Variants in TTC7B observed in about 807,000 individuals in gnomAD.
TTC7B encodes tetratricopeptide repeat protein 7B.
Under a neutral mutation model 106.8 loss-of-function variants are expected in TTC7B, and 28 were observed. That is an observed-to-expected ratio of 0.26 (90% CI 0.19 to 0.36). The LOEUF (loss-of-function observed/expected upper bound fraction) is 0.36, where lower values mean the gene tolerates loss of function less well. TTC7B is among the 10% of genes least tolerant of loss of function. The pLI, the probability that TTC7B is intolerant of heterozygous loss-of-function variation, is 1.00. For synonymous variants in TTC7B, 405 were observed against 430.6 expected, an observed-to-expected ratio of 0.94 and a Z score of 0.74; for missense variants, 862 against 1,076.4, an observed-to-expected ratio of 0.80 and a Z score of 2.79.
At chr14:90,545,203 C>T (rs1889775737) in intron 19 of TTC7B, among the ~76,000 whole-genome samples, 1 of 152,132 alleles carries the variant, frequency 6.6e-6, no homozygotes, top group Admixed American at 6.5e-5. Flanking sequence ...TTGCCTCTGT[C>T]GCTTTAAGAG....
intron 1 of TTC7B, among the ~76,000 whole-genome samples, chr14:90,798,324 T>G (rs1006663811): frequency 6.6e-6 from 1 of 151,904 alleles, no homozygotes; most frequent in African/African-American, 2.4e-5. Context: ...TAATAAAAGG[T>G]GATTGCTTTA....
In TTC7B at chr14:90,786,208, T is replaced by C; in HGVS notation, c.242A>G (p.His81Arg). ...PKPQLTEVRK[H>R]LTAALDRGNL... ...CCCTCGGTCCAGGGCGGCGGTCAGATGCTTGCGGACCTCAGTCAGCTGGGG... is the reference window on the plus strand; with the variant it reads ...CCCTCGGTCCAGGGCGGCGGTCAGACGCTTGCGGACCTCAGTCAGCTGGGG... The change falls in exon 2 of 20, where the codon CAT (histidine) becomes CGT (arginine). Residue 81 changes from histidine to arginine, a missense_variant. Coordinates refer to ENST00000328459, the MANE Select transcript of TTC7B (RefSeq NM_001010854.2). 6.3e-7 allele frequency: 1 copy of C among 1,594,764 alleles called. No homozygotes were observed. The highest frequency in any genetic ancestry group is 1.1e-5 in the South Asian group (1 of 88,504).
rs1890394791 is a variant in TTC7B, at chr14:90,758,567, C to G, written c.446-13645G>C. Among the ~76,000 whole-genome samples, 5 of 152,210 alleles carry G rather than the reference C, an allele frequency of 3.3e-5. No homozygotes were observed. The South Asian group carries it at 1.0e-3, about 31-fold the overall frequency. On this transcript the variant is annotated intron_variant, in intron 3 of 19. Transcript: ENST00000328459. ...TGTGGCGCGCGACTGCGCTAGAACG[C>G]GGCTCCCGCGACCCCTGGCGGCGGC...
rs1223447977 is a variant in TTC7B, at chr14:90,807,898, G to C, written c.121+8277C>G. Among the ~76,000 whole-genome samples, 2 of 152,208 alleles carry C rather than the reference G, an allele frequency of 1.3e-5. No homozygotes were observed. The highest frequency in any genetic ancestry group is 2.9e-5 in the Non-Finnish European group (2 of 68,042). On this transcript the variant is annotated intron_variant, in intron 1 of 19. Transcript: ENST00000328459. The surrounding 1 kb of genome is among the most constrained non-coding windows in gnomAD (Gnocchi z 4.1). Reference sequence around the variant, plus strand: ...TAGACCTACTATATCAGTATCTCTGGGAGTGGGGCTTTGCAATCTGGATTC... The same window carrying C: ...TAGACCTACTATATCAGTATCTCTGCGAGTGGGGCTTTGCAATCTGGATTC...
chr14:90,600,655 G>C lies in TTC7B; in HGVS notation c.1967-7029C>G, dbSNP rs1892386812. On this transcript the variant is annotated intron_variant, in intron 17 of 19. Transcript: ENST00000328459. This position sits in a 1 kb window ranked among gnomAD's most constrained non-coding sequence, Gnocchi z 4.3. ...CAGGGAAGGACCCCAGTAAGGCAGG[G>C]AGGGCCGGGGACATGTCATCACCGG... 6.6e-6 allele frequency among the ~76,000 whole-genome samples: 1 copy of C among 152,204 alleles called. No individual in the cohort carries two copies. The highest frequency in any genetic ancestry group is 1.5e-5 in the Non-Finnish European group (1 of 68,032).
intron 3 of TTC7B, among the ~76,000 whole-genome samples, chr14:90,768,344 A>G (rs1364771916): frequency 6.6e-6 from 1 of 152,184 alleles, no homozygotes; most frequent in Admixed American, 6.5e-5. Flanking sequence ...CACCTTCTTT[A>G]CAAGGCAGTG....
intron 8 of TTC7B, among the ~76,000 whole-genome samples, chr14:90,679,487 G>A (rs1886965775): frequency 6.6e-6 from 1 of 152,266 alleles, no homozygotes; most frequent in South Asian, 2.1e-4. Context: ...TCTCTCCCCT[G>A]GGCTGCCCCG....
At chr14:90,664,934 G>C (rs974044925) in intron 9 of TTC7B, among the ~76,000 whole-genome samples, 4 of 152,216 alleles carry the variant, frequency 2.6e-5, no homozygotes, top group African/African-American at 9.7e-5. Context: ...CAGATGAAGG[G>C]GAGAATGAGA....
intron 7 of TTC7B, among the ~76,000 whole-genome samples, chr14:90,682,701 G>A (rs527695356): frequency 1.3e-5 from 2 of 152,296 alleles, no homozygotes; most frequent in African/African-American, 2.4e-5. Flanking sequence ...AGGAAGTTGC[G>A]TGAAGGGGAA....
chr14:90,652,031 C>G (rs1421239987), intron 13 of TTC7B, among the ~76,000 whole-genome samples: 1 of 152,156 alleles, frequency 6.6e-6, no homozygotes, highest in African/African-American at 2.4e-5. Flanking sequence ...TGGGGCTATG[C>G]TTCCAGATGA....
intron 17 of TTC7B, among the ~76,000 whole-genome samples, chr14:90,598,460 A>G (rs1237503282): frequency 6.6e-6 from 1 of 152,110 alleles, no homozygotes; most frequent in Non-Finnish European, 1.5e-5. Flanking sequence ...ATCACCATGC[A>G]TGGGGGTAAG....
At chr14:90,795,015 A>G (rs1467893233) in intron 1 of TTC7B, among the ~76,000 whole-genome samples, 1 of 152,150 alleles carries the variant, frequency 6.6e-6, no homozygotes, top group Admixed American at 6.6e-5. Context: ...ACCAGCATTT[A>G]TTACCTAATA....
At chr14:90,710,067 A>AAAAG (rs1451761130) in intron 5 of TTC7B, among the ~76,000 whole-genome samples, 1 of 151,650 alleles carries the variant, frequency 6.6e-6, no homozygotes, top group African/African-American at 2.4e-5. Flanking sequence ...AAAAAAAAAA[A>AAAAG]AAAAGAAAAC....
At chr14:90,800,514 TA>T (rs948895034) in intron 1 of TTC7B, among the ~76,000 whole-genome samples, 27 of 152,068 alleles carry the variant, frequency 1.8e-4, no homozygotes, top group African/African-American at 6.3e-4. Flanking sequence ...AGAGGGAAGT[TA>T]GAAGGTCAGA....
At chr14:90,610,911 C>G in intron 16 of TTC7B, 72 bp from the exon 17 acceptor site, 1 of 999,790 alleles carries the variant, frequency 1.0e-6, no homozygotes, top group Non-Finnish European at 1.6e-6. Flanking sequence ...GCAACCAATA[C>G]TGACTCCTGA....
intron 15 of TTC7B, 46 bp from the exon 16 acceptor site, chr14:90,618,091 A>C (rs1337549403): frequency 7.0e-7 from 1 of 1,422,694 alleles, no homozygotes. Context: ...CTCAAGCCAC[A>C]GAGTCCCCAT....
intron 16 of TTC7B, among the ~76,000 whole-genome samples, chr14:90,611,686 C>T (rs1156503839): frequency 6.6e-6 from 1 of 152,140 alleles, no homozygotes; most frequent in Non-Finnish European, 1.5e-5. Context: ...TAGCTTGTGC[C>T]TATAAAACAG....
chr14:90,531,861 T>G lies in TTC7B; in HGVS notation c.*9507A>C, dbSNP rs2139750476. 1 of 152,328 alleles carries G rather than the reference T, an allele frequency of 6.6e-6. No individual in the cohort carries two copies. The highest frequency in any genetic ancestry group is 2.4e-5 in the African/African-American group (1 of 41,576). The allele number at this position is 152,328 out of a possible 1,614,324, so 9.4% of individuals were successfully genotyped here. ...TCTCATTGTGTCTGAGCTCTGCCCC[T>G]TTCTTATTTAATTTTGTAGTTTTAA... On this transcript the variant is annotated 3_prime_UTR_variant, in exon 20 of 20. Transcript: ENST00000328459.
intron 9 of TTC7B, among the ~76,000 whole-genome samples, chr14:90,671,073 G>A (rs995076151): frequency 6.6e-6 from 1 of 152,128 alleles, no homozygotes; most frequent in Non-Finnish European, 1.5e-5. Context: ...ATCCATTTGT[G>A]TCATGCCCAC....
Sources: gnomAD v4.1 joint callset for allele counts (sites outside exome capture counted in the v4.1 genomes callset) on GRCh38, gnomAD v4.1.1 for gene constraint, Gnocchi (gnomAD v3.1) non-coding constraint, MANE v1.5 for transcripts, NCBI Gene and HGNC (gene_info 2026-07-23, HGNC 2026-07-21) for gene names.